The following ELOVL5 variants were observed in gnomAD, a reference collection of about 807,000 sequenced individuals.
The protein encoded by ELOVL5 is ELOVL fatty acid elongase 5, also known as very long chain fatty acid elongase 5.
ELOVL5 carries 8 observed loss-of-function variants against 38.6 expected under a neutral mutation model. The observed-to-expected ratio is 0.21, with a 90% confidence interval of 0.12 to 0.37. ELOVL5 has a LOEUF of 0.37. Among genes scored for constraint, ELOVL5 ranks in the 10% least tolerant of loss-of-function variants. The probability of loss-of-function intolerance (pLI) is 1.00; values close to 1 mark genes in which losing one functional copy is unlikely to be tolerated. For missense variants in ELOVL5, 280 were observed against 367.8 expected, an observed-to-expected ratio of 0.76 and a Z score of 1.95; for synonymous variants, 127 against 133.7, an observed-to-expected ratio of 0.95 and a Z score of 0.34.
chr6:53,297,427 T>C lies in ELOVL5; in HGVS notation c.-8-1720A>G, dbSNP rs1408501072. Among the ~76,000 whole-genome samples the C allele has an allele frequency of 2.6e-5, 4 of 152,238 alleles. No homozygotes were observed. The South Asian group carries it at 8.3e-4, about 32-fold the overall frequency. On this transcript the variant is annotated intron_variant, in intron 1 of 7. Coordinates refer to ENST00000304434, the MANE Select transcript of ELOVL5 (RefSeq NM_021814.5). ...AGATTGCACACAGTTCTGAGTAGCA[T>C]GATAAAATCTCCCGCAGTCCCACTC...
At chr6:53,321,357 C>G (rs548154970) in intron 1 of ELOVL5, among the ~76,000 whole-genome samples, 1 of 152,350 alleles carries the variant, frequency 6.6e-6, no homozygotes, top group East Asian at 1.9e-4. Context: ...CAATCATTTT[C>G]ATGAACCTAA....
At position 53,275,233 on chromosome 6, in the gene ELOVL5, A is replaced by T; in HGVS notation, c.353T>A (p.Phe118Tyr). The change falls in exon 5 of 8, where the codon TTC becomes TAC. Residue 118 changes from phenylalanine (F) to tyrosine (Y), a missense_variant. By Grantham distance (22) the Phe-to-Tyr change is conservative (BLOSUM62 3). Coordinates refer to ENST00000304434, the MANE Select transcript of ELOVL5 (RefSeq NM_021814.5). ...KIIRVLWWYYFSKLIEFMDTF... is the reference protein window; with the variant it reads ...KIIRVLWWYYYSKLIEFMDTF... Reference sequence around the variant, plus strand: ...GTCCATAAATTCTATGAGTTTGGAGAAGTAGTACCACCAGAGGACACGGAT... The same window carrying T: ...GTCCATAAATTCTATGAGTTTGGAGTAGTAGTACCACCAGAGGACACGGAT... The T allele has an allele frequency of 6.2e-7, 1 of 1,614,178 alleles. No homozygotes were observed. Among genetic ancestry groups the T allele is most frequent in the Non-Finnish European group, 8.5e-7 (1 of 1,180,016 alleles).
At chr6:53,332,624 G>C (rs1250789649) in intron 1 of ELOVL5, among the ~76,000 whole-genome samples, 3 of 152,152 alleles carry the variant, frequency 2.0e-5, no homozygotes, top group Admixed American at 2.0e-4. Context: ...AGGACAAGGA[G>C]AGAAAGAGAA....
chr6:53,273,146 C>A (rs1765985773), intron 6 of ELOVL5, 74 bp downstream of exon 6: 1 of 1,525,224 alleles, frequency 6.6e-7, no homozygotes, highest in African/African-American at 1.4e-5. Flanking sequence ...GATGCTATTA[C>A]ATAACACTAA....
At chr6:53,339,917 G>C (rs1487607380) in intron 1 of ELOVL5, among the ~76,000 whole-genome samples, 1 of 152,188 alleles carries the variant, frequency 6.6e-6, no homozygotes, top group African/African-American at 2.4e-5. Flanking sequence ...GACAGCTCAT[G>C]TGTGTTACTG....
At chr6:53,289,882 A>G (rs1475698936) in intron 3 of ELOVL5, among the ~76,000 whole-genome samples, 4 of 152,246 alleles carry the variant, frequency 2.6e-5, no homozygotes, top group African/African-American at 7.2e-5. Flanking sequence ...GCTTATTTTC[A>G]ACTTGGGTAT....
chr6:53,296,089 G>A (rs1025765082), intron 1 of ELOVL5, among the ~76,000 whole-genome samples: 2 of 151,958 alleles, frequency 1.3e-5, no homozygotes, highest in African/African-American at 2.4e-5. Flanking sequence ...GTAAGACAAG[G>A]AAGAGCCATA....
At chr6:53,289,996 G>C (rs775770630) in intron 3 of ELOVL5, 1 of 152,112 alleles carries the variant, frequency 6.6e-6, no homozygotes, top group Non-Finnish European at 1.5e-5. Flanking sequence ...TAAAAATGTA[G>C]TTTCCCTATT....
At chr6:53,333,667 A>G (rs548469064) in intron 1 of ELOVL5, among the ~76,000 whole-genome samples, 7 of 152,366 alleles carry the variant, frequency 4.6e-5, no homozygotes, top group African/African-American at 1.7e-4. Context: ...TTAACTGGTC[A>G]ACTTAGAATG....
rs773825421 is a variant in ELOVL5 at position 53,270,555 on chromosome 6, G to T, written c.756+38C>A. 8.9e-5 allele frequency: 143 copies of T among 1,609,672 alleles called. 1 individual carries two copies. In the South Asian group the frequency reaches 1.4e-3, roughly 16 times the overall value. On this transcript the variant is annotated intron_variant, in intron 7 of 7. Transcript: ENST00000304434. Reference sequence around the variant, plus strand: ...TAGATGAGGGCCTTTGTTGGTAAAGGCCCCAGATTCCAAGTCCCAGAGAAG... The same window carrying T: ...TAGATGAGGGCCTTTGTTGGTAAAGTCCCCAGATTCCAAGTCCCAGAGAAG...
intron 1 of ELOVL5, among the ~76,000 whole-genome samples, chr6:53,307,760 G>C (rs12196700): frequency 0.33 from 49,796 of 152,142 alleles, 8,517 homozygotes; most frequent in African/African-American, 0.43. Flanking sequence ...TAGAAGAGCA[G>C]GCCAGTGTCT....
intron 1 of ELOVL5, among the ~76,000 whole-genome samples, chr6:53,337,799 G>C (rs1399859549): frequency 6.6e-6 from 1 of 152,216 alleles, no homozygotes; most frequent in East Asian, 1.9e-4. Flanking sequence ...GGAAGGATCT[G>C]ACATGCTATG....
intron 3 of ELOVL5, among the ~76,000 whole-genome samples, chr6:53,286,752 A>T (rs1205541914): frequency 6.6e-6 from 1 of 152,218 alleles, no homozygotes; most frequent in Non-Finnish European, 1.5e-5. Context: ...AATTGGTCAA[A>T]AATATACTGA....
At chr6:53,290,526 T>C (rs551351262) in intron 3 of ELOVL5, 1 of 152,228 alleles carries the variant, frequency 6.6e-6, no homozygotes, top group East Asian at 1.9e-4. Flanking sequence ...CTAATTAAAC[T>C]GACTTCATTC....
rs188639153 is a variant in ELOVL5 at position 53,304,490 on chromosome 6, G to A, written c.-8-8783C>T. Among the ~76,000 whole-genome samples the A allele has an allele frequency of 5.8e-3, 874 of 151,986 alleles. 24 individuals carry two copies. Among genetic ancestry groups the A allele is most frequent in the Admixed American group, 0.052 (795 of 15,262 alleles). On this transcript the variant is annotated intron_variant, in intron 1 of 7. Coordinates refer to ENST00000304434, the MANE Select transcript of ELOVL5 (RefSeq NM_021814.5). ...TATTGATCATTCTTGGGTGTTTCTC[G>A]CAGAGGGGGATTTGGCAGGGTCATA...
At chr6:53,273,449 G>T in intron 5 of ELOVL5, 105 bp from the exon 6 acceptor site, 1 of 1,083,246 alleles carries the variant, frequency 9.2e-7, no homozygotes, top group Non-Finnish European at 1.3e-6. Context: ...CAGAAAGAGA[G>T]ATGACTTCCA....
chr6:53,305,816 G>T (rs1767511986), intron 1 of ELOVL5, among the ~76,000 whole-genome samples: 1 of 152,174 alleles, frequency 6.6e-6, no homozygotes, highest in Non-Finnish European at 1.5e-5. Flanking sequence ...GCCGGGCAGA[G>T]GCTGCAATCT....
chr6:53,298,673 T>C (rs1314800233), intron 1 of ELOVL5, among the ~76,000 whole-genome samples: 2 of 152,148 alleles, frequency 1.3e-5, no homozygotes, highest in African/African-American at 2.4e-5. Flanking sequence ...ATTGGCTCCA[T>C]GATGAATACT....
Position 53,339,228 on chromosome 6 carries a change from TG to T in ELOVL5, c.-9+9588del, listed in dbSNP as rs1205305889. On this transcript the variant is annotated intron_variant, in intron 1 of 7. Coordinates refer to ENST00000304434, the MANE Select transcript of ELOVL5 (RefSeq NM_021814.5). ...ATAGCATGTCTCTGAAACCAACAGT[TG>T]TTTTATCACCTGTTCAGATTCCATG... is the stretch of plus-strand genomic sequence containing the variant. Among the ~76,000 whole-genome samples the T allele has an allele frequency of 2.6e-5, 4 of 152,344 alleles. No individual in the cohort carries two copies. In the East Asian group the frequency reaches 7.7e-4, roughly 29 times the overall value.
Sources: gnomAD v4.1 joint callset for allele counts (sites outside exome capture counted in the v4.1 genomes callset) on GRCh38, gnomAD v4.1.1 for gene constraint, MANE v1.5 for transcripts, NCBI Gene and HGNC (gene_info 2026-07-23, HGNC 2026-07-21) for gene names.